Variants in ZC3H6 observed in about 807,000 individuals in gnomAD.
The protein encoded by ZC3H6 is zinc finger CCCH domain-containing protein 6.
In ZC3H6, 40 loss-of-function variants were observed where a neutral mutation model predicts 107.7. The ratio of observed to expected loss-of-function variants is 0.37; its 90% CI spans 0.29 to 0.48. The LOEUF is 0.48. ZC3H6 is among the 20% of genes least tolerant of loss of function. The probability of loss-of-function intolerance (pLI) is 0.98; values close to 1 mark genes in which losing one functional copy is unlikely to be tolerated. For missense variants in ZC3H6, 1,267 were observed against 1,410.4 expected, an observed-to-expected ratio of 0.90 and a Z score of 1.63; for synonymous variants, 493 against 487.9, an observed-to-expected ratio of 1.01 and a Z score of -0.14.
chr2:112,299,481 T>C (rs1358535201), intron 1 of ZC3H6, among the ~76,000 whole-genome samples: 1 of 152,200 alleles, frequency 6.6e-6, no homozygotes, highest in African/African-American at 2.4e-5. Flanking sequence ...TTTAGTTTAA[T>C]TCCTTTTTTT....
chr2:112,279,166 CAGAG>C (rs1415864414), intron 1 of ZC3H6, among the ~76,000 whole-genome samples: 2 of 152,148 alleles, frequency 1.3e-5, no homozygotes, highest in African/African-American at 2.4e-5. Context: ...TTAGGGAAAT[CAGAG>C]GGAGGTATAA....
chr2:112,299,358 G>C (rs370922883), intron 1 of ZC3H6, among the ~76,000 whole-genome samples: 1 of 151,528 alleles, frequency 6.6e-6, no homozygotes, highest in Non-Finnish European at 1.5e-5. Flanking sequence ...ATCCTCTTTC[G>C]CCAAGGGCAG....
chr2:112,277,621 T>C (rs1686450656), intron 1 of ZC3H6, among the ~76,000 whole-genome samples: 1 of 152,230 alleles, frequency 6.6e-6, no homozygotes, highest in Non-Finnish European at 1.5e-5. Context: ...GTAAGATATG[T>C]TAATAGGTTG....
intron 1 of ZC3H6, among the ~76,000 whole-genome samples, chr2:112,290,133 G>A (rs1676082343): frequency 6.6e-6 from 1 of 152,200 alleles, no homozygotes; most frequent in African/African-American, 2.4e-5. Flanking sequence ...AACCTATAGT[G>A]TCTTATAACT....
chr2:112,316,501 T>C lies in ZC3H6; in HGVS notation c.779T>C (p.Met260Thr). The change falls in exon 6 of 12, where the codon ATG becomes ACG. Residue 260 changes from methionine (M) to threonine (T), a missense_variant. By Grantham distance (81) the Met-to-Thr change is moderately conservative. This residue lies in a region of ZC3H6 where 337 missense variants were observed against 361.2 expected (regional missense o/e 0.93). Coordinates refer to ENST00000409871, the MANE Select transcript of ZC3H6 (RefSeq NM_198581.3). ...AAACCAGGGAAAAAATGGAAGGTTA[T>C]GACTCAGGAATTTATTAATCAGCAC... ...YNKPGKKWKV[M>T]TQEFINQHTV... 6.2e-7 allele frequency: 1 copy of C among 1,609,224 alleles called. No homozygotes were observed. Among genetic ancestry groups the C allele is most frequent in the African/African-American group, 1.3e-5 (1 of 74,840 alleles).
intron 5 of ZC3H6, among the ~76,000 whole-genome samples, chr2:112,312,538 T>G (rs919424036): frequency 4.6e-5 from 7 of 152,152 alleles, no homozygotes; most frequent in African/African-American, 1.7e-4. Flanking sequence ...AAGATTTGAT[T>G]GAATTATAGA....
At chr2:112,320,042 C>T (rs1334993956) in intron 7 of ZC3H6, among the ~76,000 whole-genome samples, 1 of 152,178 alleles carries the variant, frequency 6.6e-6, no homozygotes, top group African/African-American at 2.4e-5. Context: ...AAGCAATTCT[C>T]CTGCCTCAGC....
At chr2:112,306,174 CTTTT>C (rs35102517) in intron 3 of ZC3H6, among the ~76,000 whole-genome samples, 1 of 136,880 alleles carries the variant, frequency 7.3e-6, no homozygotes. Context: ...GTCTGTATTT[CTTTT>C]TTTTTTTTTT....
At chr2:112,294,319 A>G (rs1256261458) in intron 1 of ZC3H6, among the ~76,000 whole-genome samples, 1 of 152,230 alleles carries the variant, frequency 6.6e-6, no homozygotes, top group African/African-American at 2.4e-5. Flanking sequence ...GCATGAAAAG[A>G]AAAATGTTAT....
chr2:112,289,489 T>C (rs1676058518), intron 1 of ZC3H6, among the ~76,000 whole-genome samples: 1 of 151,228 alleles, frequency 6.6e-6, no homozygotes, highest in South Asian at 2.1e-4. Flanking sequence ...CACGCCCAGC[T>C]GATTTATTGT....
chr2:112,305,455 A>G (rs1168038493), intron 3 of ZC3H6, among the ~76,000 whole-genome samples: 1 of 152,148 alleles, frequency 6.6e-6, no homozygotes, highest in East Asian at 1.9e-4. Flanking sequence ...GGTATCTCAC[A>G]TTTTTTAAAC....
chr2:112,338,671 G>A lies in ZC3H6; in HGVS notation c.*6183G>A, dbSNP rs1294486374. 1.3e-5 allele frequency: 2 copies of A among 151,764 alleles called. No homozygotes were observed. Among genetic ancestry groups the A allele is most frequent in the Non-Finnish European group, 2.9e-5 (2 of 67,964 alleles). The allele number at this position is 151,764 out of a possible 1,614,324, so 9.4% of individuals were successfully genotyped here. On this transcript the variant is annotated 3_prime_UTR_variant, in exon 12 of 12. Coordinates refer to ENST00000409871, the MANE Select transcript of ZC3H6 (RefSeq NM_198581.3). Reference sequence around the variant, plus strand: ...TCATTACTGATTTTAATACCTTCATGAGAGTATTAAGGTTGAAAGGAATGG... The same window carrying A: ...TCATTACTGATTTTAATACCTTCATAAGAGTATTAAGGTTGAAAGGAATGG...
chr2:112,302,758 A>G (rs563914453), intron 2 of ZC3H6, among the ~76,000 whole-genome samples: 61 of 152,122 alleles, frequency 4.0e-4, no homozygotes, highest in African/African-American at 6.0e-4. Context: ...GGCCAGATTT[A>G]TTTTATTTTT....
At chr2:112,326,174 T>C (rs1676903226) in intron 11 of ZC3H6, among the ~76,000 whole-genome samples, 1 of 152,016 alleles carries the variant, frequency 6.6e-6, no homozygotes, top group African/African-American at 2.4e-5. Flanking sequence ...GTAAATAGAG[T>C]ATCCACCACC....
chr2:112,326,140 G>A (rs533404541), intron 11 of ZC3H6, among the ~76,000 whole-genome samples: 88 of 152,200 alleles, frequency 5.8e-4, no homozygotes, highest in South Asian at 1.5e-3. Flanking sequence ...ATAGAGGCAT[G>A]CAATGCATAA....
intron 1 of ZC3H6, among the ~76,000 whole-genome samples, chr2:112,279,896 C>T (rs1236984526): frequency 1.3e-5 from 2 of 152,198 alleles, no homozygotes; most frequent in Non-Finnish European, 2.9e-5. Flanking sequence ...ATATTATCTT[C>T]ACTCTTCATT....
chr2:112,311,831 A>T lies in ZC3H6; in HGVS notation c.641A>T (p.Asn214Ile). The T allele has an allele frequency of 6.2e-7, 1 of 1,612,768 alleles. No individual in the cohort carries two copies. Among genetic ancestry groups the T allele is most frequent in the Non-Finnish European group, 8.5e-7 (1 of 1,179,196 alleles). Residue 214 changes from asparagine (N) to isoleucine (I), a missense_variant, in exon 5 of 12, where the codon AAT becomes ATT. Coordinates refer to ENST00000409871, the MANE Select transcript of ZC3H6 (RefSeq NM_198581.3). ...ATTGAACAGAGAGTTAAAAGTTTTA[A>T]TGTTGGTCGTGGACGTGGCTTGCCG... ...QGIEQRVKSF[N>I]VGRGRGLPKK...
rs1677187106 is a variant in ZC3H6, at chr2:112,338,860, TATATATATATATATATATA to T, written c.*6373_*6391del. On this transcript the variant is annotated 3_prime_UTR_variant, in exon 12 of 12. Coordinates refer to ENST00000409871, the MANE Select transcript of ZC3H6 (RefSeq NM_198581.3). ...ATATATGTATGTATATGTGTGTATA[TATATATATATATATATATA>T]TATATATATATATATATATATATAT... 3.5e-4 allele frequency: 1 copy of T among 2,860 alleles called. No individual in the cohort carries two copies. Among genetic ancestry groups the T allele is most frequent in the Non-Finnish European group, 4.7e-4 (1 of 2,106 alleles). The allele number at this position is 2,860 out of a possible 1,614,324, so 0.2% of individuals were successfully genotyped here.
intron 1 of ZC3H6, among the ~76,000 whole-genome samples, chr2:112,294,626 G>A (rs1195468466): frequency 6.6e-6 from 1 of 152,078 alleles, no homozygotes. Context: ...TGTAACAGGA[G>A]CCTTTAGGCA....
Sources: allele counts gnomAD v4.1 joint callset (sites outside exome capture counted in the v4.1 genomes callset), GRCh38; gene constraint gnomAD v4.1.1; regional missense constraint gnomAD v4.1.1; transcripts MANE v1.5; gene names NCBI Gene and HGNC (gene_info 2026-07-23, HGNC 2026-07-21).